KCNQ3: variants seen among roughly 807,000 people sequenced by gnomAD.
The protein encoded by KCNQ3 is potassium voltage-gated channel subfamily Q member 3.
KCNQ3 carries 30 observed loss-of-function variants against 92.5 expected under a neutral mutation model. The observed-to-expected ratio is 0.32, with a 90% CI of 0.24 to 0.44. The LOEUF (loss-of-function observed/expected upper bound fraction) is 0.44, where lower values mean the gene tolerates loss of function less well. Ranked by LOEUF, KCNQ3 falls within the 20% of genes least tolerant of loss-of-function variation. The pLI is 1.00. For missense variants in KCNQ3, 913 were observed against 1,140.3 expected (o/e 0.80, Z 2.87); for synonymous variants, 450 against 468.8 (o/e 0.96, Z 0.52).
At chr8:132,425,734 A>C (rs1451022414) in intron 1 of KCNQ3, among the ~76,000 whole-genome samples, 1 of 152,172 alleles carries the variant, frequency 6.6e-6, no homozygotes, top group Non-Finnish European at 1.5e-5. Context: ...GGCAGCATGA[A>C]TATGAATCTG....
intron 1 of KCNQ3, among the ~76,000 whole-genome samples, chr8:132,266,714 GA>G (rs1815993828): frequency 6.6e-6 from 1 of 152,276 alleles, no homozygotes; most frequent in East Asian, 1.9e-4. Context: ...TGAAAGCCCA[GA>G]TTTCTGGAAC....
Position 132,436,590 on chromosome 8 carries a change from G to A in KCNQ3, c.386+43557C>T, listed in dbSNP as rs537405510. On this transcript the variant is annotated intron_variant, in intron 1 of 14. Transcript: ENST00000388996. ...ATTATTTGTACAGGAATCTTCTTCAGGCCAGGCAAATATTTTTGTTTCTTT... is the reference window on the plus strand; with the variant it reads ...ATTATTTGTACAGGAATCTTCTTCAAGCCAGGCAAATATTTTTGTTTCTTT... Among the ~76,000 whole-genome samples, 25 of 152,268 alleles carry A rather than the reference G, an allele frequency of 1.6e-4. No individual in the cohort carries two copies. The South Asian group carries it at 5.2e-3, about 32-fold the overall frequency.
At chr8:132,158,520 A>T (rs1281273324) in intron 9 of KCNQ3, among the ~76,000 whole-genome samples, 1 of 152,208 alleles carries the variant, frequency 6.6e-6, no homozygotes, top group Non-Finnish European at 1.5e-5. Context: ...AGAAGAGAAC[A>T]GAACGAGCAA....
chr8:132,150,807 C>T (rs1825613829), intron 9 of KCNQ3, among the ~76,000 whole-genome samples: 1 of 151,898 alleles, frequency 6.6e-6, no homozygotes, highest in Non-Finnish European at 1.5e-5. Flanking sequence ...GGGTTTTCTT[C>T]TGCCTGTCTG....
intron 1 of KCNQ3, among the ~76,000 whole-genome samples, chr8:132,234,217 C>A (rs2130382267): frequency 6.6e-6 from 1 of 152,188 alleles, no homozygotes; most frequent in East Asian, 1.9e-4. Flanking sequence ...TTGCACAGCC[C>A]CTTGTGTTTT....
chr8:132,227,462 T>C (rs1359373769), intron 1 of KCNQ3, among the ~76,000 whole-genome samples: 1 of 152,192 alleles, frequency 6.6e-6, no homozygotes, highest in East Asian at 1.9e-4. Flanking sequence ...GCCGGATGTC[T>C]GCAAGTCTAA....
chr8:132,240,280 G>A (rs938505933), intron 1 of KCNQ3, among the ~76,000 whole-genome samples: 2 of 149,292 alleles, frequency 1.3e-5, no homozygotes, highest in Admixed American at 1.4e-4. Context: ...TCTGCCTCCA[G>A]GGTTCAAGTG....
chr8:132,221,697 T>C (rs1814242974), intron 1 of KCNQ3, among the ~76,000 whole-genome samples: 1 of 152,140 alleles, frequency 6.6e-6, no homozygotes, highest in African/African-American at 2.4e-5. Flanking sequence ...TTTAAGTTCT[T>C]GTACTGGTAC....
chr8:132,388,017 A>G (rs1395361805), intron 1 of KCNQ3, among the ~76,000 whole-genome samples: 2 of 146,378 alleles, frequency 1.4e-5, no homozygotes, highest in Non-Finnish European at 3.0e-5. Context: ...AGGAAGAGGA[A>G]GAGGAAGAAG....
intron 12 of KCNQ3, among the ~76,000 whole-genome samples, chr8:132,136,862 CTT>C (rs34845943): frequency 6.5e-5 from 8 of 123,344 alleles, no homozygotes; most frequent in South Asian, 2.6e-4. Flanking sequence ...GGCTGCATAA[CTT>C]TTTTTTTTTT....
At chr8:132,427,524 G>T (rs1252726375) in intron 1 of KCNQ3, among the ~76,000 whole-genome samples, 1 of 152,158 alleles carries the variant, frequency 6.6e-6, no homozygotes, top group Non-Finnish European at 1.5e-5. Context: ...ATCCTACCAG[G>T]TCTGACCCCA....
chr8:132,137,236 A>C (rs908463109), intron 12 of KCNQ3, among the ~76,000 whole-genome samples: 14 of 152,138 alleles, frequency 9.2e-5, no homozygotes, highest in Non-Finnish European at 2.1e-4. Flanking sequence ...TTTATAATTA[A>C]GGAAATATGG....
intron 1 of KCNQ3, among the ~76,000 whole-genome samples, chr8:132,433,587 G>T (rs1289950236): frequency 6.6e-6 from 1 of 152,186 alleles, no homozygotes; most frequent in African/African-American, 2.4e-5. Context: ...TGTTAGTATA[G>T]ATTTTAAAAA....
chr8:132,242,336 G>GCT (rs796986765), intron 1 of KCNQ3, among the ~76,000 whole-genome samples: 39 of 152,310 alleles, frequency 2.6e-4, no homozygotes, highest in African/African-American at 8.7e-4. Context: ...TTGGAGGGAT[G>GCT]CTCATCCAGG....
chr8:132,250,345 C>T (rs1375362079), intron 1 of KCNQ3, among the ~76,000 whole-genome samples: 1 of 152,156 alleles, frequency 6.6e-6, no homozygotes, highest in African/African-American at 2.4e-5. Context: ...CTCAACCTGG[C>T]TGGAAGGGTC....
At chr8:132,382,895 G>A (rs1301787070) in intron 1 of KCNQ3, among the ~76,000 whole-genome samples, 1 of 152,210 alleles carries the variant, frequency 6.6e-6, no homozygotes, top group Non-Finnish European at 1.5e-5. Context: ...TTGACCTTCT[G>A]TGAACCTCAG....
chr8:132,252,528 G>A (rs1238924120), intron 1 of KCNQ3, among the ~76,000 whole-genome samples: 1 of 152,206 alleles, frequency 6.6e-6, no homozygotes, highest in Non-Finnish European at 1.5e-5. Context: ...AAGATATACT[G>A]TGAAGAGCAA....
chr8:132,243,038 T>C (rs144616788), intron 1 of KCNQ3, among the ~76,000 whole-genome samples: 95 of 152,218 alleles, frequency 6.2e-4, no homozygotes, highest in African/African-American at 2.2e-3. Context: ...AATAAGACAA[T>C]AAAATCCCCA....
chr8:132,306,547 G>T (rs1198498885), intron 1 of KCNQ3, among the ~76,000 whole-genome samples: 1 of 152,188 alleles, frequency 6.6e-6, no homozygotes, highest in East Asian at 1.9e-4. Flanking sequence ...TCACAAATCT[G>T]TTTCCCAGCA....
Sources: gnomAD v4.1 joint callset for allele counts (sites outside exome capture counted in the v4.1 genomes callset) on GRCh38, gnomAD v4.1.1 for gene constraint, MANE v1.5 for transcripts, NCBI Gene and HGNC (gene_info 2026-07-23, HGNC 2026-07-21) for gene names.